ADGRG4: variants seen among roughly 807,000 people sequenced by gnomAD.
The protein encoded by ADGRG4 is G protein-coupled receptor 112.
In ADGRG4, 122 loss-of-function variants were observed where a neutral mutation model predicts 126.2. The ratio of observed to expected loss-of-function variants is 0.97; its 90% CI spans 0.83 to 1.12. The LOEUF is 1.12. Ranked by LOEUF, ADGRG4 falls within the 50% of genes most tolerant of loss-of-function variation. The pLI, the probability that ADGRG4 is intolerant of heterozygous loss-of-function variation, is 0.00. For synonymous variants in ADGRG4, 943 were observed against 838.7 expected (o/e 1.12, Z -2.15); for missense variants, 2,481 against 2,251.8 (o/e 1.10, Z -2.06).
At chrX:136,405,048 A>G (rs1051346774) in intron 22 of ADGRG4, among the ~76,000 whole-genome samples, 1 of 112,337 alleles carries the variant, frequency 8.9e-6, no homozygotes, top group African/African-American at 3.2e-5. Context: ...GAATCACTGC[A>G]TATTTTTTCT....
At chrX:136,302,748 C>A (rs1250711750) in intron 1 of ADGRG4, among the ~76,000 whole-genome samples, 1 of 111,816 alleles carries the variant, frequency 8.9e-6, no homozygotes, top group Non-Finnish European at 1.9e-5. Flanking sequence ...TGCAGAAGAA[C>A]AGGTAATAAT....
At chrX:136,342,902 G>GTGTGTGTA (rs1016491313) in intron 5 of ADGRG4, among the ~76,000 whole-genome samples, 1 of 77,785 alleles carries the variant, frequency 1.3e-5, no homozygotes, top group African/African-American at 5.9e-5. Context: ...GTGTGTGTGT[G>GTGTGTGTA]TGTGTGTGTG....
intron 13 of ADGRG4, among the ~76,000 whole-genome samples, chrX:136,368,223 C>G (rs1030628282): frequency 8.9e-6 from 1 of 112,277 alleles, no homozygotes; most frequent in Non-Finnish European, 1.9e-5. Context: ...ACTTCTTACT[C>G]TATATAAAGG....
chrX:136,370,612 G>T (rs998418313), intron 13 of ADGRG4, among the ~76,000 whole-genome samples: 3 of 111,849 alleles, frequency 2.7e-5, no homozygotes, highest in African/African-American at 9.7e-5. Context: ...TGGATAAAAT[G>T]ATATCATATT....
chrX:136,310,309 G>A (rs773374530), intron 4 of ADGRG4, among the ~76,000 whole-genome samples: 22 of 109,914 alleles, frequency 2.0e-4, no homozygotes, highest in Admixed American at 6.9e-4. Flanking sequence ...CACCATGCCC[G>A]GCTAATTTTT....
intron 7 of ADGRG4, among the ~76,000 whole-genome samples, chrX:136,352,404 G>T (rs1381830723): frequency 2.7e-5 from 3 of 109,757 alleles, no homozygotes; most frequent in Non-Finnish European, 5.7e-5. Context: ...TGTGGCTCAT[G>T]CCTGTAATCC....
chrX:136,325,006 T>A (rs1437641731), intron 5 of ADGRG4, among the ~76,000 whole-genome samples: 1 of 112,018 alleles, frequency 8.9e-6, no homozygotes, highest in African/African-American at 3.2e-5. Context: ...GAAGGAAAGA[T>A]GAGATTGCTT....
chrX:136,308,946 G>A (rs1011121047), intron 4 of ADGRG4, 99 bp downstream of exon 4: 27 of 540,962 alleles, frequency 5.0e-5, no homozygotes, highest in Non-Finnish European at 7.1e-5. Flanking sequence ...GATTTGCTGG[G>A]CTGCCTCTTA....
chrX:136,343,326 C>T (rs5975721), intron 5 of ADGRG4, among the ~76,000 whole-genome samples: 53,401 of 109,350 alleles, frequency 0.49, 9,748 homozygotes, highest in Middle Eastern at 0.59. Context: ...GAATGTTGAG[C>T]TTGAGGTGTT....
intron 5 of ADGRG4, among the ~76,000 whole-genome samples, chrX:136,324,758 T>G (rs888336863): frequency 8.9e-6 from 1 of 112,168 alleles, no homozygotes; most frequent in East Asian, 2.8e-4. Context: ...GAGCATTTTC[T>G]TACTCTCTGG....
intron 13 of ADGRG4, among the ~76,000 whole-genome samples, chrX:136,369,618 C>G (rs916518426): frequency 8.9e-6 from 1 of 112,315 alleles, no homozygotes; most frequent in Non-Finnish European, 1.9e-5. Context: ...TCTTGTTATT[C>G]CATTTTAAAC....
chrX:136,331,240 C>T (rs976465538), intron 5 of ADGRG4, among the ~76,000 whole-genome samples: 2 of 112,188 alleles, frequency 1.8e-5, no homozygotes, highest in African/African-American at 6.5e-5. Context: ...TTTATCTGTT[C>T]ATCTGTTGAT....
intron 13 of ADGRG4, among the ~76,000 whole-genome samples, chrX:136,368,793 T>A (rs1363650788): frequency 1.8e-5 from 2 of 112,797 alleles, no homozygotes; most frequent in African/African-American, 6.4e-5. Context: ...GGTTTCAGTA[T>A]CATTTTAAAA....
intron 15 of ADGRG4, among the ~76,000 whole-genome samples, chrX:136,377,384 G>T (rs2075234352): frequency 9.2e-6 from 1 of 108,483 alleles, no homozygotes; most frequent in African/African-American, 3.4e-5. Context: ...GTAGAGATGG[G>T]GCTCTCACTT....
intron 16 of ADGRG4, among the ~76,000 whole-genome samples, chrX:136,391,214 C>G (rs183459588): frequency 9.0e-6 from 1 of 111,290 alleles, no homozygotes; most frequent in Non-Finnish European, 1.9e-5. Context: ...GCAGGATCTC[C>G]AAGGAATGTC....
At chrX:136,379,082 A>G (rs1049305897) in intron 15 of ADGRG4, among the ~76,000 whole-genome samples, 1 of 111,574 alleles carries the variant, frequency 9.0e-6, no homozygotes, top group African/African-American at 3.3e-5. Context: ...TAAATGCTTG[A>G]TAGGGTTCAC....
chrX:136,311,905 C>G (rs1033456845), intron 4 of ADGRG4, among the ~76,000 whole-genome samples: 2 of 110,788 alleles, frequency 1.8e-5, no homozygotes, highest in Non-Finnish European at 3.8e-5. Context: ...CTGTGTTGCC[C>G]GGACTGGTCT....
At chrX:136,408,114 G>A (rs2075425768) in intron 23 of ADGRG4, among the ~76,000 whole-genome samples, 1 of 112,062 alleles carries the variant, frequency 8.9e-6, no homozygotes, top group Non-Finnish European at 1.9e-5. Context: ...AGCTTATAAA[G>A]GAGGGGCAGG....
chrX:136,362,099 T>C (rs1006010762), intron 12 of ADGRG4, among the ~76,000 whole-genome samples: 3 of 112,055 alleles, frequency 2.7e-5, no homozygotes, highest in African/African-American at 9.7e-5. Flanking sequence ...ACTTTTCTAT[T>C]GTTGACTTTA....
Sources: allele counts gnomAD v4.1 joint callset (sites outside exome capture counted in the v4.1 genomes callset), GRCh38; gene constraint gnomAD v4.1.1; transcripts MANE v1.5; gene names NCBI Gene and HGNC (gene_info 2026-07-23, HGNC 2026-07-21).